The following KCNN2 variants were observed in gnomAD, a reference collection of about 807,000 sequenced individuals.
The protein encoded by KCNN2 is potassium calcium-activated channel subfamily N member 2.
Under a neutral mutation model 55.5 loss-of-function variants are expected in KCNN2, and 24 were observed. The ratio of observed to expected loss-of-function variants is 0.43; its 90% CI spans 0.31 to 0.61. The LOEUF is 0.61. Among genes scored for constraint, KCNN2 ranks in the 20% least tolerant of loss-of-function variants. The pLI is 0.08. For missense variants in KCNN2, 754 were observed against 853.6 expected, an observed-to-expected ratio of 0.88 and a Z score of 1.45; for synonymous variants, 431 against 336.1, an observed-to-expected ratio of 1.28 and a Z score of -3.09.
chr5:114,105,323 G>T (rs539948761), intron 1 of KCNN2, among the ~76,000 whole-genome samples: 1 of 152,100 alleles, frequency 6.6e-6, no homozygotes, highest in Admixed American at 6.6e-5. Flanking sequence ...TGATTTGAGG[G>T]TATCTTTATA....
At chr5:114,301,647 A>T (rs540925732) in intron 2 of KCNN2, among the ~76,000 whole-genome samples, 1 of 152,236 alleles carries the variant, frequency 6.6e-6, no homozygotes, top group East Asian at 1.9e-4. Flanking sequence ...AAACTAATAT[A>T]ACTTGCCCCA....
Position 114,290,524 on chromosome 5 carries a change from T to G in KCNN2, c.-185+68959T>G, listed in dbSNP as rs573896697. Among the ~76,000 whole-genome samples the G allele has an allele frequency of 1.4e-4, 22 of 152,218 alleles. No homozygotes were observed. In the South Asian group the frequency reaches 4.6e-3, roughly 32 times the overall value. On this transcript the variant is annotated intron_variant, in intron 2 of 10. Transcript: ENST00000512097. ...GCTAAAGCTTTATCAATTTCATTGA[T>G]TTTTTTAAAGGAACAACTTTTGTTT...
intron 2 of KCNN2, among the ~76,000 whole-genome samples, chr5:114,375,952 G>GTATATATATATATATGTA (rs1757917436): frequency 9.5e-6 from 1 of 104,722 alleles, no homozygotes; most frequent in Non-Finnish European, 1.9e-5. Context: ...GACTCACAGT[G>GTATATATATATATATGTA]TATATATATA....
chr5:114,148,370 T>G (rs1752448226), intron 1 of KCNN2, among the ~76,000 whole-genome samples: 1 of 152,168 alleles, frequency 6.6e-6, no homozygotes, highest in Non-Finnish European at 1.5e-5. Flanking sequence ...ACGAGTTCCA[T>G]GGAGACAAGG....
rs376476233 is a variant in KCNN2 at position 114,215,957 on chromosome 5, C to T, written c.-270-5523C>T. ...AGCATTTTAATGAACTAGCCGATTA[C>T]CCAAAGTATCCTCAGGGACAAATGA... On this transcript the variant is annotated intron_variant, in intron 1 of 10. Transcript: ENST00000512097. 9.2e-5 allele frequency among the ~76,000 whole-genome samples: 14 copies of T among 152,142 alleles called. No homozygotes were observed. The East Asian group carries it at 2.7e-3, about 29-fold the overall frequency.
chr5:114,453,299 A>G (rs1255743660), intron 3 of KCNN2, among the ~76,000 whole-genome samples: 1 of 152,182 alleles, frequency 6.6e-6, no homozygotes, highest in African/African-American at 2.4e-5. Context: ...CCTCCCCTGT[A>G]CAAAACAAGA....
chr5:114,242,731 T>C (rs1323712017), intron 2 of KCNN2, among the ~76,000 whole-genome samples: 1 of 152,202 alleles, frequency 6.6e-6, no homozygotes, highest in African/African-American at 2.4e-5. Flanking sequence ...GAGAAAGGAA[T>C]AGAAAAGTAT....
chr5:114,275,520 T>C (rs1755466579), intron 2 of KCNN2, among the ~76,000 whole-genome samples: 3 of 152,172 alleles, frequency 2.0e-5, no homozygotes, highest in Admixed American at 2.0e-4. Context: ...GAACCTGTTA[T>C]TTGTCTATTC....
In KCNN2 at chr5:114,483,713, CTGTGTGTGTG is replaced by C. The variant is rs3070952; in HGVS notation, c.1891-3315_1891-3306del. Among the ~76,000 whole-genome samples the C allele has an allele frequency of 1.3e-4, 20 of 148,342 alleles. No individual in the cohort carries two copies. The South Asian group carries it at 2.4e-3, about 18-fold the overall frequency. ...CAGAGCAAATGTTCTTATTTTTCAA[CTGTGTGTGTG>C]TGTGTGTGTGTGTGTGTGTGTAAAG... On this transcript the variant is annotated intron_variant, in intron 5 of 7. Coordinates refer to ENST00000673685, the MANE Select transcript of KCNN2 (RefSeq NM_021614.4).
chr5:114,090,331 A>G (rs1751111576), intron 1 of KCNN2, among the ~76,000 whole-genome samples: 1 of 152,136 alleles, frequency 6.6e-6, no homozygotes, highest in Non-Finnish European at 1.5e-5. Context: ...TAACATAGCA[A>G]TGAGCTAAAA....
At position 114,311,184 on chromosome 5, in the gene KCNN2, T is replaced by C. The variant is rs553420966; in HGVS notation, c.-184-49761T>C. On this transcript the variant is annotated intron_variant, in intron 2 of 10. Coordinates refer to the KCNN2 transcript ENST00000512097. Reference sequence around the variant, plus strand: ...ATTTTTAATATTAGGTGTTGGTAAATTTCCTCCTAAAAAGATAATGGCACT... The same window carrying C: ...ATTTTTAATATTAGGTGTTGGTAAACTTCCTCCTAAAAAGATAATGGCACT... Among the ~76,000 whole-genome samples the C allele has an allele frequency of 1.4e-4, 22 of 152,242 alleles. No homozygotes were observed. The South Asian group carries it at 4.1e-3, about 29-fold the overall frequency.
chr5:114,363,318 G>A, intron 1 of KCNN2, 57 bp downstream of exon 1: 5 of 1,488,254 alleles, frequency 3.4e-6, no homozygotes, highest in Non-Finnish European at 4.5e-6. Flanking sequence ...TGGTTGGGAT[G>A]GGCACTGGCG....
chr5:114,409,047 T>A (rs1759035825), intron 3 of KCNN2, among the ~76,000 whole-genome samples: 1 of 152,156 alleles, frequency 6.6e-6, no homozygotes, highest in Non-Finnish European at 1.5e-5. Flanking sequence ...AGGCCAAAAC[T>A]CTGGATTGGG....
intron 2 of KCNN2, among the ~76,000 whole-genome samples, chr5:114,228,472 A>T (rs527870857): frequency 2.3e-4 from 35 of 152,226 alleles, no homozygotes; most frequent in Non-Finnish European, 4.4e-4. Context: ...ACTTTTAACC[A>T]TCTATCTAAT....
chr5:114,387,717 A>G (rs1407127950), intron 2 of KCNN2, among the ~76,000 whole-genome samples: 4 of 152,102 alleles, frequency 2.6e-5, no homozygotes, highest in African/African-American at 7.2e-5. Flanking sequence ...TGTTGTACAT[A>G]AGAAAGAACA....
rs181476483 is a variant in KCNN2 at position 114,058,821 on chromosome 5, C to T, written c.-271+2321C>T. ...ATTTTAAAAGACCATTGTGGAGCTG[C>T]GTGGAGACTGGACTATCGGAGGGGC... On this transcript the variant is annotated intron_variant, in intron 1 of 10. Transcript: ENST00000512097. Among the ~76,000 whole-genome samples the T allele has an allele frequency of 3.9e-4, 59 of 152,172 alleles. 1 individual carries two copies. The highest frequency in any genetic ancestry group is 2.0e-3 in the Admixed American group (31 of 15,292).
intron 2 of KCNN2, among the ~76,000 whole-genome samples, chr5:114,335,051 G>A (rs192671297): frequency 1.3e-5 from 2 of 152,234 alleles, no homozygotes; most frequent in African/African-American, 4.8e-5. Context: ...AGCCTCCCGA[G>A]TAGCTGGGAC....
intron 1 of KCNN2, among the ~76,000 whole-genome samples, chr5:114,059,887 G>A (rs1378089120): frequency 6.6e-6 from 1 of 152,192 alleles, no homozygotes; most frequent in Non-Finnish European, 1.5e-5. Flanking sequence ...TGAAATCATT[G>A]AGAGAAGATA....
At chr5:114,339,079 G>A (rs757650584) in intron 2 of KCNN2, among the ~76,000 whole-genome samples, 9 of 152,226 alleles carry the variant, frequency 5.9e-5, no homozygotes, top group Non-Finnish European at 1.0e-4. Flanking sequence ...CTAAGAGGTA[G>A]ACAACTCCTT....
Sources: gnomAD v4.1 joint callset for allele counts (sites outside exome capture counted in the v4.1 genomes callset) on GRCh38, gnomAD v4.1.1 for gene constraint, MANE v1.5 for transcripts, NCBI Gene and HGNC (gene_info 2026-07-23, HGNC 2026-07-21) for gene names.